The following ZNF223 variants were observed in gnomAD, a reference collection of about 807,000 sequenced individuals.
ZNF223 encodes Homo sapiens zinc finger protein 223.
A neutral mutation model predicts 12.3 loss-of-function variants in ZNF223; 9 were observed. The observed-to-expected ratio is 0.73, with a 90% confidence interval of 0.44 to 1.28. ZNF223 has a LOEUF of 1.28. Ranked by LOEUF, ZNF223 falls within the 50% of genes most tolerant of loss-of-function variation. The pLI, the probability that ZNF223 is intolerant of heterozygous loss-of-function variation, is 0.00. For missense variants in ZNF223, 506 were observed against 579.0 expected, an observed-to-expected ratio of 0.87 and a Z score of 1.29; for synonymous variants, 171 against 195.2, an observed-to-expected ratio of 0.88 and a Z score of 1.03.
chr19:44,064,400 C>T (rs1471831295), intron 4 of ZNF223, among the ~76,000 whole-genome samples: 1 of 152,136 alleles, frequency 6.6e-6, no homozygotes, highest in Non-Finnish European at 1.5e-5. Flanking sequence ...CTCAGAACTG[C>T]AGTTGTCTGT....
In ZNF223 at chr19:44,066,827, G is replaced by A. The variant is rs769367425; in HGVS notation, c.999G>A (p.Lys333=). ...KGFIRRLDLC[K]HQTIHTGEKP... Reference sequence around the variant, plus strand: ...TCATTCGTAGGCTGGATTTGTGTAAGCATCAGACGATCCACACAGGAGAGA... The same window carrying A: ...TCATTCGTAGGCTGGATTTGTGTAAACATCAGACGATCCACACAGGAGAGA... Residue 333 remains lysine (K), a synonymous_variant, in exon 5 of 5, where the codon AAG becomes AAA. Coordinates refer to ENST00000434772, the MANE Select transcript of ZNF223 (RefSeq NM_013361.6). 2 of 1,614,090 alleles carry A rather than the reference G, an allele frequency of 1.2e-6. No homozygotes were observed. The highest frequency in any genetic ancestry group is 1.7e-6 in the Non-Finnish European group (2 of 1,180,036).
chr19:44,052,480 G>A (rs1401333573), intron 1 of ZNF223, among the ~76,000 whole-genome samples: 2 of 152,212 alleles, frequency 1.3e-5, no homozygotes, highest in Non-Finnish European at 2.9e-5. Context: ...AATTGAAAGA[G>A]ATAATACAAA....
Position 44,067,108 on chromosome 19 carries a change from C to T in ZNF223, c.1280C>T (p.Pro427Leu), listed in dbSNP as rs1218174841. The T allele has an allele frequency of 6.2e-7, 1 of 1,613,276 alleles. No individual in the cohort carries two copies. The highest frequency in any genetic ancestry group is 1.3e-5 in the African/African-American group (1 of 74,800). ...NHKRLHCRKKPFKCEDCGKKL... is the reference protein window; with the variant it reads ...NHKRLHCRKKLFKCEDCGKKL... Reference sequence around the variant, plus strand: ...AAGAGACTCCATTGCCGAAAAAAACCATTCAAATGTGAGGATTGTGGAAAG... The same window carrying T: ...AAGAGACTCCATTGCCGAAAAAAACTATTCAAATGTGAGGATTGTGGAAAG... Residue 427 changes from proline to leucine, a missense_variant, in exon 5 of 5, where the codon CCA becomes CTA. Coordinates refer to ENST00000434772, the MANE Select transcript of ZNF223 (RefSeq NM_013361.6).
At chr19:44,063,087 C>T (rs1976862441) in intron 4 of ZNF223, among the ~76,000 whole-genome samples, 1 of 152,144 alleles carries the variant, frequency 6.6e-6, no homozygotes, top group Non-Finnish European at 1.5e-5. Context: ...GAATTACTTA[C>T]TCAAAATAGA....
intron 4 of ZNF223, among the ~76,000 whole-genome samples, chr19:44,062,841 C>T (rs1283877268): frequency 6.6e-6 from 1 of 152,220 alleles, no homozygotes; most frequent in Non-Finnish European, 1.5e-5. Flanking sequence ...TCACTGCCTC[C>T]AGTTCCTCCT....
chr19:44,056,762 A>AT (rs1450011424), intron 2 of ZNF223, among the ~76,000 whole-genome samples: 2 of 151,006 alleles, frequency 1.3e-5, no homozygotes, highest in South Asian at 2.1e-4. Flanking sequence ...CACCCGGCTA[A>AT]TTTTTTTGTG....
chr19:44,061,398 G>A (rs1221519993), intron 4 of ZNF223, among the ~76,000 whole-genome samples: 1 of 152,196 alleles, frequency 6.6e-6, no homozygotes, highest in Non-Finnish European at 1.5e-5. Context: ...CTTTCTGGAT[G>A]TTCATGGGGA....
rs749311212 is a variant in ZNF223 at position 44,066,718 on chromosome 19, TC to T, written c.892del (p.Arg298ValfsTer63). On this transcript the variant is annotated frameshift_variant, in exon 5 of 5. Transcript: ENST00000434772. LOFTEE classifies it low-confidence loss of function (END_TRUNC). ...PFKCEICSVSFRLRSSLNRHC... is the reference protein window; with the variant it reads ...PFKCEICSVSXRLRSSLNRHC... ...AAATGTGAGATATGTAGTGTGAGCT[TC>T]CGTCTTAGGTCAAGTCTTAATAGGC... 5.2e-5 allele frequency: 84 copies of T among 1,614,164 alleles called. 3 individuals carry two copies. The South Asian group carries it at 8.8e-4, about 17-fold the overall frequency.
Position 44,067,411 on chromosome 19 carries a change from T to A in ZNF223, c.*134T>A. 1 of 1,087,358 alleles carries A rather than the reference T, an allele frequency of 9.2e-7. No individual in the cohort carries two copies. The highest frequency in any genetic ancestry group is 1.4e-6 in the Non-Finnish European group (1 of 738,152). 67.4% of individuals were successfully genotyped at this position (1,087,358 alleles called of 1,614,324 possible). On this transcript the variant is annotated 3_prime_UTR_variant, in exon 5 of 5. Coordinates refer to ENST00000434772, the MANE Select transcript of ZNF223 (RefSeq NM_013361.6). Reference sequence around the variant, plus strand: ...TTGTGTTGAGAAAATTAAAAATTCATTGTTCCAGCAGTTTGAAAATAAATT... The same window carrying A: ...TTGTGTTGAGAAAATTAAAAATTCAATGTTCCAGCAGTTTGAAAATAAATT...
chr19:44,067,657 A>C lies in ZNF223; in HGVS notation c.*380A>C. On this transcript the variant is annotated 3_prime_UTR_variant, in exon 5 of 5. Transcript: ENST00000434772. The stretch of plus-strand genomic sequence containing the variant: ...GAAGTTAGTGTTTCAGCCATAGCTC[A>C]GCATACCCCAGTGGTCGTGGGACTG... 2.5e-6 allele frequency: 1 copy of C among 400,844 alleles called. No individual in the cohort carries two copies. The highest frequency in any genetic ancestry group is 5.7e-5 in the East Asian group (1 of 17,410). 24.8% of individuals were successfully genotyped at this position (400,844 alleles called of 1,614,324 possible). A position where few individuals can be genotyped will look rare whatever the true frequency, so the allele number is the denominator to read the frequency against.
intron 4 of ZNF223, among the ~76,000 whole-genome samples, chr19:44,065,783 G>A (rs996994027): frequency 6.6e-6 from 1 of 151,710 alleles, no homozygotes; most frequent in Non-Finnish European, 1.5e-5. Flanking sequence ...TCACTATGTT[G>A]GTCAGGCTGG....
intron 4 of ZNF223, among the ~76,000 whole-genome samples, chr19:44,062,434 A>T (rs977208278): frequency 6.6e-6 from 1 of 152,140 alleles, no homozygotes; most frequent in South Asian, 2.1e-4. Flanking sequence ...TGGAACTGGA[A>T]TTTTTTTCCC....
chr19:44,051,873 C>T (rs1976704460), upstream of ZNF223: 1 of 152,120 alleles, frequency 6.6e-6, no homozygotes. Context: ...GCTCGTGGAA[C>T]ACTGGGTATT....
rs754304740 is a variant in ZNF223 at position 44,060,723 on chromosome 19, A to G, written c.143-26A>G. 1.1e-5 allele frequency: 18 copies of G among 1,613,768 alleles called. No individual in the cohort carries two copies. The Admixed American group carries it at 2.5e-4, about 22-fold the overall frequency. The stretch of plus-strand genomic sequence containing the variant: ...ATATTATCTAGAATATGTTGGGATT[A>G]AGCATGTGACTTTTCCTGTTTACAG... On this transcript the variant is annotated intron_variant, in intron 3 of 4. Transcript: ENST00000434772.
Position 44,066,781 on chromosome 19 carries a change from C to G in ZNF223, c.953C>G (p.Thr318Ser). The change falls in exon 5 of 5, where the codon ACT becomes AGT. Residue 318 changes from threonine (T) to serine (S), a missense_variant. Transcript: ENST00000434772. ...CACACAGGAAAGAAACCAAACAGCA[C>G]TGGGGAATATGGAAAAGGCTTCATT... ...VVHTGKKPNS[T>S]GEYGKGFIRR... 1 of 1,614,168 alleles carries G rather than the reference C, an allele frequency of 6.2e-7. No homozygotes were observed. Among genetic ancestry groups the G allele is most frequent in the Non-Finnish European group, 8.5e-7 (1 of 1,180,028 alleles).
At position 44,066,864 on chromosome 19, in the gene ZNF223, T is replaced by A. The variant is rs2147482774; in HGVS notation, c.1036T>A (p.Cys346Ser). The A allele has an allele frequency of 6.2e-7, 1 of 1,614,154 alleles. No homozygotes were observed. The highest frequency in any genetic ancestry group is 2.2e-5 in the East Asian group (1 of 44,868). Residue 346 changes from cysteine (C) to serine (S), a missense_variant, in exon 5 of 5, where the codon TGT (cysteine) becomes AGT (serine). By Grantham distance (112) the Cys-to-Ser change is moderately radical. Coordinates refer to ENST00000434772, the MANE Select transcript of ZNF223 (RefSeq NM_013361.6). ...TIHTGEKPYN[C>S]KECGKSFRRS... ...CCACACAGGAGAGAAACCATATAATTGTAAAGAATGTGGGAAGAGCTTCAG... is the reference window on the plus strand; with the variant it reads ...CCACACAGGAGAGAAACCATATAATAGTAAAGAATGTGGGAAGAGCTTCAG...
chr19:44,059,116 A>G (rs1161374170), intron 2 of ZNF223, among the ~76,000 whole-genome samples: 1 of 152,180 alleles, frequency 6.6e-6, no homozygotes, highest in African/African-American at 2.4e-5. Flanking sequence ...GAATGGGGAC[A>G]TTATCTTTTG....
intron 2 of ZNF223, among the ~76,000 whole-genome samples, chr19:44,057,783 C>T (rs896353997): frequency 2.6e-5 from 4 of 152,232 alleles, no homozygotes; most frequent in Admixed American, 2.0e-4. Context: ...AGACACACTG[C>T]ATAACTGTCT....
At chr19:44,052,867 TA>T (rs1402791232) in intron 1 of ZNF223, among the ~76,000 whole-genome samples, 1 of 152,046 alleles carries the variant, frequency 6.6e-6, no homozygotes, top group East Asian at 1.9e-4. Flanking sequence ...TGTTACCGAT[TA>T]CATGTCAGAT....
Sources: allele counts gnomAD v4.1 joint callset (sites outside exome capture counted in the v4.1 genomes callset), GRCh38; gene constraint gnomAD v4.1.1; transcripts MANE v1.5; gene names NCBI Gene and HGNC (gene_info 2026-07-23, HGNC 2026-07-21).